The following FAM217B variants were observed in gnomAD, a reference collection of about 807,000 sequenced individuals.
The protein encoded by FAM217B is protein FAM217B.
For missense variants in FAM217B, 463 were observed against 456.9 expected, an observed-to-expected ratio of 1.01 and a Z score of -0.12; for synonymous variants, 163 against 173.0, an observed-to-expected ratio of 0.94 and a Z score of 0.45.
intron 3 of FAM217B, among the ~76,000 whole-genome samples, chr20:59,942,922 A>G (rs982967128): frequency 2.0e-5 from 3 of 152,184 alleles, no homozygotes; most frequent in Non-Finnish European, 4.4e-5. Context: ...ACGTTGTACT[A>G]TTGGCAATGA....
chr20:59,933,875 C>T (rs2060830135), intron 1 of FAM217B: 1 of 152,192 alleles, frequency 6.6e-6, no homozygotes, highest in South Asian at 2.1e-4. Context: ...CCCGCTGTCC[C>T]CGCGCTTCGG....
At chr20:59,943,481 T>C (rs950776812) in intron 3 of FAM217B, among the ~76,000 whole-genome samples, 16 of 152,238 alleles carry the variant, frequency 1.1e-4, no homozygotes, top group African/African-American at 3.4e-4. Flanking sequence ...ACTTGCATGT[T>C]TATTTGATAT....
intron 1 of FAM217B, among the ~76,000 whole-genome samples, chr20:59,934,404 C>G (rs1483653616): frequency 6.6e-6 from 1 of 152,240 alleles, no homozygotes; most frequent in Non-Finnish European, 1.5e-5. Context: ...TGCCCCTTGG[C>G]TCGCAGAGGG....
At position 59,940,480 on chromosome 20, in the gene FAM217B, C is replaced by G. The variant is rs1417514869; in HGVS notation, c.-258C>G. ...CAGCCGGGCGTCCCCGCGCGGGCGCCGGAGAGGAAGGAAGGCTGGCAGCCT... is the reference window on the plus strand; with the variant it reads ...CAGCCGGGCGTCCCCGCGCGGGCGCGGGAGAGGAAGGAAGGCTGGCAGCCT... On this transcript the variant is annotated 5_prime_UTR_variant, in exon 1 of 4. Coordinates refer to ENST00000360816, the MANE Select transcript of FAM217B (RefSeq NM_022106.3). The G allele has an allele frequency of 1.3e-5, 2 of 152,238 alleles. No homozygotes were observed. The highest frequency in any genetic ancestry group is 2.9e-5 in the Non-Finnish European group (2 of 68,086). The allele number at this position is 152,238 out of a possible 1,614,324, so 9.4% of individuals were successfully genotyped here.
Position 59,948,168 on chromosome 20 carries a change from T to C in FAM217B, c.*3073T>C, listed in dbSNP as rs2060948655. On this transcript the variant is annotated 3_prime_UTR_variant, in exon 4 of 4. Coordinates refer to ENST00000360816, the MANE Select transcript of FAM217B (RefSeq NM_022106.3). ...TATTTGCAGTATTTGCTGTGATTAC[T>C]TAGGTTTAGACTTTCTCAACTTCTT... The C allele has an allele frequency of 3.6e-5, 6 of 167,056 alleles. No homozygotes were observed. In the South Asian group the frequency reaches 1.2e-3, roughly 35 times the overall value. 10.3% of individuals were successfully genotyped at this position (167,056 alleles called of 1,614,324 possible).
upstream of FAM217B, chr20:59,939,103 G>C (rs17854472): frequency 7.5e-6 from 12 of 1,599,992 alleles, no homozygotes; most frequent in Admixed American, 2.0e-4. Flanking sequence ...CGACATGTGA[G>C]GCTGTAGTCT....
At chr20:59,939,669 G>C, upstream of FAM217B, 1 of 1,470,224 alleles carries the variant, frequency 6.8e-7, no homozygotes, top group South Asian at 1.4e-5. Flanking sequence ...AGCGCCCGGC[G>C]CGCCCGCGGC....
At position 59,944,767 on chromosome 20, in the gene FAM217B, G is replaced by A. The variant is rs1260639745; in HGVS notation, c.824G>A (p.Gly275Asp). The A allele has an allele frequency of 1.2e-6, 2 of 1,614,196 alleles. No individual in the cohort carries two copies. The highest frequency in any genetic ancestry group is 1.3e-5 in the African/African-American group (1 of 75,044). ...ETSPRPIDVLGGTRFCSQRQT... is the reference protein window; with the variant it reads ...ETSPRPIDVLDGTRFCSQRQT... ...TCCCCTAGACCCATTGATGTGCTTG[G>A]TGGTACCAGGTTTTGTTCTCAGAGG... The change falls in exon 4 of 4, where the codon GGT (glycine) becomes GAT (aspartate). Residue 275 changes from glycine to aspartate, a missense_variant. By Grantham distance (94) the Gly-to-Asp change is moderately conservative (BLOSUM62 -1). Coordinates refer to ENST00000360816, the MANE Select transcript of FAM217B (RefSeq NM_022106.3).
upstream of FAM217B, chr20:59,939,380 G>A (rs1262863192): frequency 6.8e-6 from 11 of 1,610,538 alleles, no homozygotes; most frequent in Non-Finnish European, 8.5e-6. Context: ...CAAGGTCCGA[G>A]CAAGTGACAC....
At chr20:59,939,431 G>C, upstream of FAM217B, 1 of 1,611,412 alleles carries the variant, frequency 6.2e-7, no homozygotes. Flanking sequence ...GCTCGCCAAA[G>C]TCGGCGGCCT....
In FAM217B at chr20:59,945,319, G is replaced by T; in HGVS notation, c.*224G>T. On this transcript the variant is annotated 3_prime_UTR_variant, in exon 4 of 4. Transcript: ENST00000360816. ...TATTGTCAGTCTTAGGCAAATGAGA[G>T]CCCTTTAGATAAAAATTATGTAAAA... is the stretch of plus-strand genomic sequence containing the variant. The T allele has an allele frequency of 2.3e-6, 1 of 437,084 alleles. No individual in the cohort carries two copies. The highest frequency in any genetic ancestry group is 4.2e-6 in the Non-Finnish European group (1 of 238,172). 27.1% of individuals were successfully genotyped at this position (437,084 alleles called of 1,614,324 possible).
chr20:59,937,367 T>C (rs890957770), upstream of FAM217B: 4 of 152,674 alleles, frequency 2.6e-5, no homozygotes, highest in Admixed American at 2.0e-4. Context: ...ACAGTGCTAA[T>C]AGCCAGAGAT....
chr20:59,940,741 G>C (rs1206888812), intron 1 of FAM217B, among the ~76,000 whole-genome samples: 1 of 152,192 alleles, frequency 6.6e-6, no homozygotes, highest in Non-Finnish European at 1.5e-5. Flanking sequence ...CCACACTTTG[G>C]ACAGGTTCAC....
At chr20:59,940,918 A>C (rs1356016980) in intron 1 of FAM217B, among the ~76,000 whole-genome samples, 4 of 152,168 alleles carry the variant, frequency 2.6e-5, no homozygotes, top group African/African-American at 9.7e-5. Flanking sequence ...GCCAGAGAGG[A>C]AGACAGGGGA....
upstream of FAM217B, chr20:59,938,941 G>A (rs1358113081): frequency 9.3e-6 from 12 of 1,295,700 alleles, no homozygotes; most frequent in Non-Finnish European, 1.2e-5. Context: ...GGGTGGTGAA[G>A]AACAACCAGA....
At position 59,934,298 on chromosome 20, in the gene FAM217B, C is replaced by T. The variant is rs2060839474; in HGVS notation, c.-326+445C>T. Among the ~76,000 whole-genome samples, 4 of 152,340 alleles carry T rather than the reference C, an allele frequency of 2.6e-5. No homozygotes were observed. In the South Asian group the frequency reaches 8.3e-4, roughly 32 times the overall value. ...ATTCCTAGGCTCTTTCAGACGCTTC[C>T]ATTTAAGAGATCCGTTTAACTTATG... is the stretch of plus-strand genomic sequence containing the variant. On this transcript the variant is annotated intron_variant, in intron 1 of 4. Transcript: ENST00000358293.
chr20:59,939,744 C>G, upstream of FAM217B: 1 of 1,233,314 alleles, frequency 8.1e-7, no homozygotes. Flanking sequence ...GGGCCGCAGG[C>G]GGGGGTCGCA....
chr20:59,939,782 C>T, upstream of FAM217B: 1 of 1,224,690 alleles, frequency 8.2e-7, no homozygotes. Context: ...TTGGCGGCGG[C>T]GCGCGGCCCG....
At chr20:59,939,636 T>C (rs1257947010), upstream of FAM217B, 33 of 1,573,178 alleles carry the variant, frequency 2.1e-5, no homozygotes, top group Non-Finnish European at 2.2e-5. Flanking sequence ...GCGGAGCTTC[T>C]GGCTGCAGCC....
Sources: allele counts gnomAD v4.1 joint callset (sites outside exome capture counted in the v4.1 genomes callset), GRCh38; gene constraint gnomAD v4.1.1; transcripts MANE v1.5; gene names NCBI Gene and HGNC (gene_info 2026-07-23, HGNC 2026-07-21).